The following CNTN1 variants were observed in gnomAD, a reference collection of about 807,000 sequenced individuals.
CNTN1 encodes the protein contactin 1, also known as contactin-1.
Under a neutral mutation model 126.4 loss-of-function variants are expected in CNTN1, and 38 were observed. The ratio of observed to expected loss-of-function variants is 0.30; its 90% CI spans 0.23 to 0.39. The LOEUF is 0.39. Among genes scored for constraint, CNTN1 ranks in the 10% least tolerant of loss-of-function variants. The pLI, the probability that CNTN1 is intolerant of heterozygous loss-of-function variation, is 1.00. For missense variants in CNTN1, 1,009 were observed against 1,248.4 expected (o/e 0.81, Z 2.89); for synonymous variants, 413 against 422.6 (o/e 0.98, Z 0.28).
intron 17 of CNTN1, among the ~76,000 whole-genome samples, chr12:40,997,870 A>G (rs1378128762): frequency 6.6e-6 from 1 of 152,220 alleles, no homozygotes; most frequent in East Asian, 1.9e-4. Context: ...AATTAAAACT[A>G]GTTGTACATA....
intron 1 of CNTN1, among the ~76,000 whole-genome samples, chr12:40,820,717 G>C (rs1175786329): frequency 2.6e-5 from 4 of 152,130 alleles, no homozygotes; most frequent in African/African-American, 9.7e-5. Flanking sequence ...AAAGTTACCA[G>C]TGTCCCTTGC....
At chr12:41,000,442 G>A (rs985062036) in intron 17 of CNTN1, among the ~76,000 whole-genome samples, 5 of 152,028 alleles carry the variant, frequency 3.3e-5, no homozygotes, top group Non-Finnish European at 7.4e-5. Flanking sequence ...AGAGTTCCTA[G>A]AAGTTATTTT....
chr12:40,761,160 CTT>C (rs1363513893), intron 1 of CNTN1, among the ~76,000 whole-genome samples: 1 of 152,042 alleles, frequency 6.6e-6, no homozygotes, highest in Middle Eastern at 3.2e-3. Flanking sequence ...AAAATACTGA[CTT>C]AATTCATGTA....
chr12:40,894,378 A>G (rs1040783538), intron 1 of CNTN1, among the ~76,000 whole-genome samples: 3 of 152,190 alleles, frequency 2.0e-5, no homozygotes, highest in Non-Finnish European at 4.4e-5. Flanking sequence ...ATGTTGATTT[A>G]AACTGTGAAC....
At chr12:40,949,953 C>CT in intron 14 of CNTN1, among the ~76,000 whole-genome samples, 1 of 152,036 alleles carries the variant, frequency 6.6e-6, no homozygotes, top group South Asian at 2.1e-4. Context: ...GGCAATAATC[C>CT]TTGGTAAGAA....
intron 1 of CNTN1, among the ~76,000 whole-genome samples, chr12:40,726,295 G>A (rs1413330319): frequency 6.6e-6 from 1 of 152,162 alleles, no homozygotes; most frequent in Non-Finnish European, 1.5e-5. Context: ...TTGATAAAAA[G>A]GATGTATTAG....
chr12:40,982,173 A>C (rs746171263), intron 16 of CNTN1, among the ~76,000 whole-genome samples: 53 of 152,280 alleles, frequency 3.5e-4, no homozygotes, highest in Non-Finnish European at 6.2e-4. Context: ...TCCCCACCTA[A>C]GTGTATAAAG....
In CNTN1 at chr12:40,922,361, A is replaced by G; in HGVS notation, c.333A>G (p.Ile111Met). ...NNPDKQKDAG[I>M]YYCLASNNYG... ...CTGACAAACAGAAAGATGCTGGAAT[A>G]TACTACTGTTTAGCATCTAATAACT... The change falls in exon 5 of 24, where the codon ATA becomes ATG. Residue 111 changes from isoleucine (I) to methionine (M), a missense_variant. Physicochemically the swap from Ile to Met is conservative, Grantham distance 10. Coordinates refer to ENST00000551295, the MANE Select transcript of CNTN1 (RefSeq NM_001843.4). 1.2e-6 allele frequency: 2 copies of G among 1,614,070 alleles called. No individual in the cohort carries two copies. Among genetic ancestry groups the G allele is most frequent in the African/African-American group, 1.3e-5 (1 of 75,052 alleles).
In CNTN1 at chr12:41,071,197, G is replaced by C. The variant is rs1950152423; in HGVS notation, c.*1162G>C. On this transcript the variant is annotated 3_prime_UTR_variant, in exon 24 of 24. Transcript: ENST00000551295. ...CTGCTAATGGTACTTTGAAGAGTAT[G>C]CAAAACTGGAAGGCCAGGAGGAGGC... 1 of 152,102 alleles carries C rather than the reference G, an allele frequency of 6.6e-6. No individual in the cohort carries two copies. The highest frequency in any genetic ancestry group is 1.5e-5 in the Non-Finnish European group (1 of 68,008). 9.4% of individuals were successfully genotyped at this position (152,102 alleles called of 1,614,324 possible).
chr12:41,008,272 T>G (rs1373275068), intron 17 of CNTN1, among the ~76,000 whole-genome samples: 1 of 152,210 alleles, frequency 6.6e-6, no homozygotes, highest in Non-Finnish European at 1.5e-5. Flanking sequence ...ATTGCCACTA[T>G]TAGTGGAGGT....
At chr12:40,868,981 C>CA (rs1943397827) in intron 1 of CNTN1, among the ~76,000 whole-genome samples, 1 of 151,740 alleles carries the variant, frequency 6.6e-6, no homozygotes, top group African/African-American at 2.4e-5. Flanking sequence ...TTTGATACTA[C>CA]ACTGTCATTA....
At chr12:40,871,043 T>A (rs931549346) in intron 1 of CNTN1, among the ~76,000 whole-genome samples, 1 of 114,106 alleles carries the variant, frequency 8.8e-6, no homozygotes, top group Non-Finnish European at 1.8e-5. Flanking sequence ...CAGATAAACA[T>A]AAACCACTGT....
chr12:40,884,817 A>G (rs1368012925), intron 1 of CNTN1, among the ~76,000 whole-genome samples: 1 of 151,462 alleles, frequency 6.6e-6, no homozygotes, highest in Non-Finnish European at 1.5e-5. Context: ...AATCTTTTTG[A>G]AGTTTTTTCC....
At chr12:41,056,240 T>C (rs1255479182) in intron 23 of CNTN1, among the ~76,000 whole-genome samples, 1 of 152,132 alleles carries the variant, frequency 6.6e-6, no homozygotes, top group Non-Finnish European at 1.5e-5. Context: ...GCACTCTGTA[T>C]CTTTGTTAAA....
At chr12:41,067,503 T>C (rs1950070312) in intron 23 of CNTN1, among the ~76,000 whole-genome samples, 1 of 151,666 alleles carries the variant, frequency 6.6e-6, no homozygotes, top group African/African-American at 2.4e-5. Flanking sequence ...TGATTTCCAA[T>C]TCCTATCACA....
intron 1 of CNTN1, among the ~76,000 whole-genome samples, chr12:40,763,731 C>A (rs1474822194): frequency 6.6e-6 from 1 of 152,090 alleles, no homozygotes; most frequent in Non-Finnish European, 1.5e-5. Flanking sequence ...ATGTAATATC[C>A]ATGACTAATT....
At chr12:40,878,964 G>A (rs1343402357) in intron 1 of CNTN1, among the ~76,000 whole-genome samples, 1 of 151,942 alleles carries the variant, frequency 6.6e-6, no homozygotes, top group East Asian at 1.9e-4. Flanking sequence ...TAGTTGTTTT[G>A]AATTAATTTT....
chr12:40,889,138 T>TC (rs1944155853), intron 1 of CNTN1, among the ~76,000 whole-genome samples: 2 of 152,224 alleles, frequency 1.3e-5, no homozygotes, highest in African/African-American at 4.8e-5. Context: ...TCACTTCCTA[T>TC]CTGTATACCT....
chr12:41,065,440 C>T (rs181012052), intron 23 of CNTN1, among the ~76,000 whole-genome samples: 5 of 152,248 alleles, frequency 3.3e-5, no homozygotes, highest in South Asian at 2.1e-4. Context: ...ACCTGTAGTC[C>T]GACAAAGCCA....
Sources: gnomAD v4.1 joint callset for allele counts (sites outside exome capture counted in the v4.1 genomes callset) on GRCh38, gnomAD v4.1.1 for gene constraint, MANE v1.5 for transcripts, NCBI Gene and HGNC (gene_info 2026-07-23, HGNC 2026-07-21) for gene names.